RAP1B: variants seen among roughly 807,000 people sequenced by gnomAD.
The protein encoded by RAP1B is ras-related protein Rap-1b.
RAP1B carries 1 observed loss-of-function variant against 27.5 expected under a neutral mutation model. The observed-to-expected ratio is 0.04, with a 90% confidence interval of 0.01 to 0.17. The LOEUF is 0.17. RAP1B is among the 10% of genes least tolerant of loss of function. The pLI, the probability that RAP1B is intolerant of heterozygous loss-of-function variation, is 1.00. For missense variants in RAP1B, 84 were observed against 214.8 expected, an observed-to-expected ratio of 0.39 and a Z score of 3.81; for synonymous variants, 75 against 73.1, an observed-to-expected ratio of 1.03 and a Z score of -0.13.
Position 68,660,755 on chromosome 12 carries a change from G to A in RAP1B, c.*1506G>A, listed in dbSNP as rs1874550648. The A allele has an allele frequency of 6.6e-6, 1 of 152,100 alleles. No individual in the cohort carries two copies. The allele number at this position is 152,100 out of a possible 1,614,324, so 9.4% of individuals were successfully genotyped here. ...GAACTTTTCCTTGAGAAATAATTTT[G>A]TAAATCAAGCAGTATTACTTACGAA... On this transcript the variant is annotated 3_prime_UTR_variant, in exon 8 of 8. Transcript: ENST00000250559.
intron 1 of RAP1B, among the ~76,000 whole-genome samples, chr12:68,639,973 T>C (rs2135946221): frequency 6.6e-6 from 1 of 152,146 alleles, no homozygotes; most frequent in Non-Finnish European, 1.5e-5. Context: ...CCTGAGTAGC[T>C]GGGATTACAG....
chr12:68,635,160 A>G (rs1406195171), intron 1 of RAP1B, among the ~76,000 whole-genome samples: 1 of 152,182 alleles, frequency 6.6e-6, no homozygotes, highest in Non-Finnish European at 1.5e-5. Flanking sequence ...TTTATTTTAT[A>G]GTTCCTTGTT....
intron 7 of RAP1B, among the ~76,000 whole-genome samples, 169 bp from the exon 8 acceptor site, chr12:68,659,111 G>A (rs1874447804): frequency 6.6e-6 from 1 of 152,178 alleles, no homozygotes; most frequent in African/African-American, 2.4e-5. Context: ...TTTTTGGAAT[G>A]AAAAGGTCTG....
chr12:68,611,844 C>T (rs1341915272), intron 1 of RAP1B, among the ~76,000 whole-genome samples: 1 of 152,150 alleles, frequency 6.6e-6, no homozygotes, highest in African/African-American at 2.4e-5. Context: ...GTGTCTAATC[C>T]TAAAACTATC....
In RAP1B at chr12:68,671,268, T is replaced by G. The variant is rs1469555443; in HGVS notation, c.*12019T>G. On this transcript the variant is annotated 3_prime_UTR_variant, in exon 8 of 8. Transcript: ENST00000250559. ...CAAGAAATGAATCATTTATTGCTGA[T>G]GGAAATGTGCATTGTAGAGCTGATA... The G allele has an allele frequency of 6.6e-6, 1 of 152,044 alleles. No individual in the cohort carries two copies. Among genetic ancestry groups the G allele is most frequent in the African/African-American group, 2.4e-5 (1 of 41,372 alleles). The allele number at this position is 152,044 out of a possible 1,614,324, so 9.4% of individuals were successfully genotyped here. A position where few individuals can be genotyped will look rare whatever the true frequency, so the allele number is the denominator to read the frequency against.
intron 1 of RAP1B, among the ~76,000 whole-genome samples, chr12:68,635,630 A>G (rs768257056): frequency 1.3e-5 from 2 of 149,960 alleles, no homozygotes; most frequent in Non-Finnish European, 3.0e-5. Context: ...CAATTTTTGT[A>G]TTTTGGTAGA....
rs1271412047 is a variant in RAP1B, at chr12:68,668,475, CAA to C, written c.*9229_*9230del. ...AAGAAAAGTTACAAATTCTAGTAAG[CAA>C]AAGATTTTTTGTGACCAGGTCTCCC... On this transcript the variant is annotated 3_prime_UTR_variant, in exon 8 of 8. Transcript: ENST00000250559. 2.6e-5 allele frequency: 4 copies of C among 152,248 alleles called. No individual in the cohort carries two copies. Among genetic ancestry groups the C allele is most frequent in the African/African-American group, 9.6e-5 (4 of 41,562 alleles). 9.4% of individuals were successfully genotyped at this position (152,248 alleles called of 1,614,324 possible). A position where few individuals can be genotyped will look rare whatever the true frequency, so the allele number is the denominator to read the frequency against.
intron 7 of RAP1B, among the ~76,000 whole-genome samples, chr12:68,659,036 TC>T (rs1874431672): frequency 6.6e-6 from 1 of 152,192 alleles, no homozygotes; most frequent in Non-Finnish European, 1.5e-5. Context: ...AAAGGTACTT[TC>T]CCTTTCTGTT....
At chr12:68,635,514 G>T (rs545908642) in intron 1 of RAP1B, among the ~76,000 whole-genome samples, 1 of 152,274 alleles carries the variant, frequency 6.6e-6, no homozygotes, top group Non-Finnish European at 1.5e-5. Context: ...GGAGTGCAGT[G>T]GTGCGATCTC....
At chr12:68,658,847 T>C (rs920957115) in intron 7 of RAP1B, among the ~76,000 whole-genome samples, 4 of 152,262 alleles carry the variant, frequency 2.6e-5, no homozygotes, top group Admixed American at 2.0e-4. Flanking sequence ...ATGTGCATTC[T>C]ATACTTATGA....
At chr12:68,630,589 G>A (rs1018786189) in intron 1 of RAP1B, among the ~76,000 whole-genome samples, 4 of 152,106 alleles carry the variant, frequency 2.6e-5, no homozygotes, top group Admixed American at 6.6e-5. Context: ...ATCATTACAC[G>A]TAGGCCCCAG....
In RAP1B at chr12:68,670,179, GC is replaced by G. The variant is rs1875031708; in HGVS notation, c.*10933del. On this transcript the variant is annotated 3_prime_UTR_variant, in exon 8 of 8. Coordinates refer to ENST00000250559, the MANE Select transcript of RAP1B (RefSeq NM_001010942.3). ...GCGAACTCCCAACCTCAGGTCATCTGCCCGCCTCAGCCTCCCAAAGTACTGG... is the reference window on the plus strand; with the variant it reads ...GCGAACTCCCAACCTCAGGTCATCTGCCGCCTCAGCCTCCCAAAGTACTGG... 1 of 151,832 alleles carries G rather than the reference GC, an allele frequency of 6.6e-6. No homozygotes were observed. The highest frequency in any genetic ancestry group is 6.6e-5 in the Admixed American group (1 of 15,248). 9.4% of individuals were successfully genotyped at this position (151,832 alleles called of 1,614,324 possible).
intron 1 of RAP1B, among the ~76,000 whole-genome samples, chr12:68,615,543 C>G (rs996680729): frequency 6.6e-6 from 1 of 151,144 alleles, no homozygotes; most frequent in Non-Finnish European, 1.5e-5. Context: ...GAGCCAAGAT[C>G]GCTCCACTGC....
At chr12:68,640,241 G>A (rs536059046) in intron 1 of RAP1B, among the ~76,000 whole-genome samples, 48 of 152,082 alleles carry the variant, frequency 3.2e-4, no homozygotes, top group South Asian at 1.5e-3. Flanking sequence ...TTTGTGTACT[G>A]AGCTATATAG....
intron 1 of RAP1B, among the ~76,000 whole-genome samples, chr12:68,642,042 TAC>T (rs774340099): frequency 2.0e-4 from 30 of 152,222 alleles, no homozygotes; most frequent in Non-Finnish European, 3.1e-4. Flanking sequence ...GCATATATGC[TAC>T]AGTCTTTTCT....
intron 5 of RAP1B, 148 bp downstream of exon 5, chr12:68,654,400 T>TA: frequency 1.7e-6 from 1 of 600,958 alleles, no homozygotes; most frequent in African/African-American, 1.9e-5. Context: ...AAGGCAAAAA[T>TA]ACCCATACAT....
At chr12:68,618,908 G>C (rs1228234399) in intron 1 of RAP1B, among the ~76,000 whole-genome samples, 1 of 152,060 alleles carries the variant, frequency 6.6e-6, no homozygotes, top group Non-Finnish European at 1.5e-5. Flanking sequence ...GGGAGGCTAA[G>C]TCCAGCTTGG....
chr12:68,656,694 TA>T, intron 6 of RAP1B: 1 of 566,252 alleles, frequency 1.8e-6, no homozygotes, highest in Non-Finnish European at 3.1e-6. Flanking sequence ...AATACATGGA[TA>T]GGGAAGACAG....
At chr12:68,617,612 A>G (rs1465260042) in intron 1 of RAP1B, among the ~76,000 whole-genome samples, 2 of 152,232 alleles carry the variant, frequency 1.3e-5, no homozygotes, top group South Asian at 2.1e-4. Flanking sequence ...CATCACTACA[A>G]TGACTTTTTT....
Sources: allele counts gnomAD v4.1 joint callset (sites outside exome capture counted in the v4.1 genomes callset), GRCh38; gene constraint gnomAD v4.1.1; transcripts MANE v1.5; gene names NCBI Gene and HGNC (gene_info 2026-07-23, HGNC 2026-07-21).